The following HRH2 variants were observed in gnomAD, a reference collection of about 807,000 sequenced individuals.
HRH2 encodes the protein histamine H2 receptor.
Under a neutral mutation model 20.1 loss-of-function variants are expected in HRH2, and 4 were observed. The observed-to-expected ratio is 0.20, with a 90% CI of 0.10 to 0.45. The LOEUF (loss-of-function observed/expected upper bound fraction) is 0.45, where lower values mean the gene tolerates loss of function less well. Among genes scored for constraint, HRH2 ranks in the 20% least tolerant of loss-of-function variants. The pLI is 0.99. For synonymous variants in HRH2, 197 were observed against 200.7 expected, an observed-to-expected ratio of 0.98 and a Z score of 0.16; for missense variants, 250 against 461.6, an observed-to-expected ratio of 0.54 and a Z score of 4.20.
At chr5:175,705,527 A>G (rs1756917534) in intron 2 of HRH2, among the ~76,000 whole-genome samples, 1 of 152,216 alleles carries the variant, frequency 6.6e-6, no homozygotes, top group Non-Finnish European at 1.5e-5. Flanking sequence ...TATACATAGT[A>G]AGGCTCCCTG....
intron 1 of HRH2, among the ~76,000 whole-genome samples, chr5:175,680,019 G>A (rs540893189): frequency 5.3e-5 from 8 of 152,320 alleles, no homozygotes; most frequent in African/African-American, 1.2e-4. Context: ...TCGTGGGGTC[G>A]TGAGGATTCA....
At chr5:175,662,068 C>CTT (rs1191309874) in intron 1 of HRH2, among the ~76,000 whole-genome samples, 4 of 152,058 alleles carry the variant, frequency 2.6e-5, no homozygotes, top group Non-Finnish European at 5.9e-5. Context: ...CTACAGGGAG[C>CTT]TTACAGACAG....
chr5:175,676,999 T>C (rs1755782635), intron 1 of HRH2, among the ~76,000 whole-genome samples: 1 of 152,186 alleles, frequency 6.6e-6, no homozygotes, highest in South Asian at 2.1e-4. Context: ...CTTTTCTTTC[T>C]CTCTTTCTTT....
At chr5:175,695,672 G>A (rs894922445) in intron 2 of HRH2, among the ~76,000 whole-genome samples, 14 of 152,334 alleles carry the variant, frequency 9.2e-5, no homozygotes, top group African/African-American at 2.6e-4. Context: ...CAGCGACATC[G>A]GAAGGTTATT....
rs1421973416 is a variant in HRH2 at position 175,693,700 on chromosome 5, C to G, written c.1076+9391C>G. On this transcript the variant is annotated intron_variant, in intron 2 of 2. Transcript: ENST00000636584. This position sits in a 1 kb window ranked among gnomAD's most constrained non-coding sequence, Gnocchi z 4.4. ...CATGTCTGTTGCCATCCTTCCTATT[C>G]CCTGAAGTCACAGCTCTGTGCTCCC... Among the ~76,000 whole-genome samples the G allele has an allele frequency of 6.6e-6, 1 of 152,182 alleles. No individual in the cohort carries two copies. Among genetic ancestry groups the G allele is most frequent in the Non-Finnish European group, 1.5e-5 (1 of 68,026 alleles).
chr5:175,663,971 G>A (rs887501983), intron 1 of HRH2, among the ~76,000 whole-genome samples: 33 of 152,350 alleles, frequency 2.2e-4, no homozygotes, highest in South Asian at 1.0e-3. Context: ...ATCTGATGCC[G>A]TGTGACAGCA....
chr5:175,683,588 G>A lies in HRH2; in HGVS notation c.355G>A (p.Ala119Thr). The A allele has an allele frequency of 1.2e-6, 2 of 1,614,164 alleles. No homozygotes were observed. Among genetic ancestry groups the A allele is most frequent in the Non-Finnish European group, 1.7e-6 (2 of 1,180,036 alleles). The change falls in exon 2 of 3, where the codon GCT (alanine) becomes ACT (threonine). Residue 119 changes from alanine to threonine, a missense_variant. Around this residue, in one of 5 missense-constraint regions of HRH2, gnomAD observed 86 missense variants for 176.4 expected, o/e 0.49. Transcript: ENST00000636584. Reference sequence around the variant, plus strand: ...CATGATCAGCCTCGACCGGTACTGCGCTGTCATGGACCCACTGCGGTACCC... The same window carrying A: ...CATGATCAGCCTCGACCGGTACTGCACTGTCATGGACCCACTGCGGTACCC... The part of the protein sequence containing the change: ...LFMISLDRYC[A>T]VMDPLRYPVL...
intron 1 of HRH2, among the ~76,000 whole-genome samples, chr5:175,669,774 C>T (rs1320946494): frequency 1.3e-5 from 2 of 152,196 alleles, no homozygotes; most frequent in African/African-American, 4.8e-5. Context: ...ACACCCGATT[C>T]GCATTCAAGT....
At chr5:175,658,838 C>T (rs1581396662) in intron 1 of HRH2, among the ~76,000 whole-genome samples, 1 of 152,164 alleles carries the variant, frequency 6.6e-6, no homozygotes, top group African/African-American at 2.4e-5. Context: ...GAATCCCAAT[C>T]TGGGCAGTGA....
chr5:175,688,919 AT>A (rs1350059541), intron 2 of HRH2, among the ~76,000 whole-genome samples: 1 of 152,012 alleles, frequency 6.6e-6, no homozygotes, highest in Non-Finnish European at 1.5e-5. Context: ...AGGAGATAAT[AT>A]TCATTAGCAC....
chr5:175,670,590 G>A (rs913110067), intron 1 of HRH2, among the ~76,000 whole-genome samples: 1 of 152,150 alleles, frequency 6.6e-6, no homozygotes, highest in Non-Finnish European at 1.5e-5. Flanking sequence ...TCCTGTCCTC[G>A]GTCCTACTAA....
intron 2 of HRH2, among the ~76,000 whole-genome samples, chr5:175,701,855 T>C (rs1294771709): frequency 6.6e-6 from 1 of 152,218 alleles, no homozygotes; most frequent in East Asian, 1.9e-4. Context: ...TATCGCGTTA[T>C]ACACACCTAG....
At chr5:175,688,892 T>A (rs527676905) in intron 2 of HRH2, among the ~76,000 whole-genome samples, 1 of 152,264 alleles carries the variant, frequency 6.6e-6, no homozygotes, top group South Asian at 2.1e-4. Flanking sequence ...CTCTTGTTCA[T>A]GGTAATCTCC....
intron 1 of HRH2, among the ~76,000 whole-genome samples, chr5:175,661,489 C>T (rs1014398340): frequency 5.9e-5 from 9 of 152,210 alleles, no homozygotes; most frequent in South Asian, 2.1e-4. Flanking sequence ...GAGTAACATG[C>T]GTTCAGCCAC....
chr5:175,675,480 A>G (rs1406757876), intron 1 of HRH2, among the ~76,000 whole-genome samples: 1 of 152,198 alleles, frequency 6.6e-6, no homozygotes, highest in East Asian at 1.9e-4. Context: ...TTTTTATCCT[A>G]ACAACAGGAG....
intron 1 of HRH2, among the ~76,000 whole-genome samples, chr5:175,676,681 C>A (rs906572551): frequency 2.6e-5 from 4 of 152,218 alleles, no homozygotes; most frequent in African/African-American, 9.7e-5. Flanking sequence ...TCATATCTAT[C>A]ACCCAAATAA....
At chr5:175,672,212 G>A (rs770566050) in intron 1 of HRH2, among the ~76,000 whole-genome samples, 24 of 152,050 alleles carry the variant, frequency 1.6e-4, no homozygotes, top group South Asian at 4.2e-4. Flanking sequence ...CTCAGGATCC[G>A]GATTCCCAGC....
intron 2 of HRH2, among the ~76,000 whole-genome samples, chr5:175,699,394 A>G (rs1285353820): frequency 2.0e-5 from 3 of 152,156 alleles, no homozygotes; most frequent in African/African-American, 7.2e-5. Context: ...CAAGGGCAGG[A>G]GCCATCCCCT....
At chr5:175,669,712 T>C (rs1755455659) in intron 1 of HRH2, among the ~76,000 whole-genome samples, 1 of 152,172 alleles carries the variant, frequency 6.6e-6, no homozygotes, top group African/African-American at 2.4e-5. Flanking sequence ...CACCCTCCCA[T>C]TGCTGCAGCT....
Sources: gnomAD v4.1 joint callset for allele counts (sites outside exome capture counted in the v4.1 genomes callset) on GRCh38, gnomAD v4.1.1 for gene constraint, gnomAD v4.1.1 regional missense constraint, Gnocchi (gnomAD v3.1) non-coding constraint, MANE v1.5 for transcripts, NCBI Gene and HGNC (gene_info 2026-07-23, HGNC 2026-07-21) for gene names.